Variants in DLC1 observed in about 807,000 individuals in gnomAD.
The protein encoded by DLC1 is DLC1 Rho GTPase activating protein, also known as rho GTPase-activating protein 7.
Under a neutral mutation model 140.3 loss-of-function variants are expected in DLC1, and 54 were observed. That is an observed-to-expected ratio of 0.38 (90% CI 0.31 to 0.48). DLC1 has a LOEUF of 0.48. Among genes scored for constraint, DLC1 ranks in the 20% least tolerant of loss-of-function variants. DLC1 has a pLI of 0.96. For synonymous variants in DLC1, 986 were observed against 728.1 expected (o/e 1.35, Z -5.70); for missense variants, 2,536 against 1,907.0 (o/e 1.33, Z -6.14).
At position 13,248,076 on chromosome 8, in the gene DLC1, G is replaced by C. The variant is rs545468517; in HGVS notation, c.1348+57193C>G. Reference sequence around the variant, plus strand: ...GAAGCTCCAGGAAAGCAGGCACCTGGTTAGTCTCAGTCCTCAGTGTGCTTT... The same window carrying C: ...GAAGCTCCAGGAAAGCAGGCACCTGCTTAGTCTCAGTCCTCAGTGTGCTTT... On this transcript the variant is annotated intron_variant, in intron 5 of 17. Coordinates refer to ENST00000276297, the MANE Select transcript of DLC1 (RefSeq NM_182643.3). Among the ~76,000 whole-genome samples the C allele has an allele frequency of 3.3e-5, 5 of 152,294 alleles. No individual in the cohort carries two copies. In the East Asian group the frequency reaches 9.7e-4, roughly 29 times the overall value.
At chr8:13,103,731 C>A (rs377143294) in intron 7 of DLC1, among the ~76,000 whole-genome samples, 4 of 149,262 alleles carry the variant, frequency 2.7e-5, no homozygotes, top group Non-Finnish European at 5.9e-5. Context: ...GCCAGCTACT[C>A]GGGAGGCTGT....
intron 5 of DLC1, among the ~76,000 whole-genome samples, chr8:13,150,007 G>A (rs897299998): frequency 1.3e-5 from 2 of 152,230 alleles, no homozygotes; most frequent in Admixed American, 6.5e-5. Flanking sequence ...CTCTGGGCCA[G>A]TATTACATCA....
intron 5 of DLC1, among the ~76,000 whole-genome samples, chr8:13,162,205 A>C (rs984721013): frequency 5.3e-5 from 8 of 152,212 alleles, no homozygotes; most frequent in African/African-American, 1.9e-4. Flanking sequence ...GGAAAAGGCA[A>C]ACAATTCTAT....
At chr8:13,229,336 T>G (rs986017749) in intron 5 of DLC1, among the ~76,000 whole-genome samples, 1 of 152,154 alleles carries the variant, frequency 6.6e-6, no homozygotes, top group African/African-American at 2.4e-5. Flanking sequence ...CCAGTCACAA[T>G]GGACCACATA....
chr8:13,109,046 T>C (rs140709450), intron 7 of DLC1, among the ~76,000 whole-genome samples: 1 of 152,340 alleles, frequency 6.6e-6, no homozygotes, highest in African/African-American at 2.4e-5. Context: ...GAGGACTGTT[T>C]GTTTTTTCCT....
chr8:13,266,716 G>C lies in DLC1; in HGVS notation c.1348+38553C>G, dbSNP rs962560255. On this transcript the variant is annotated intron_variant, in intron 5 of 17. Transcript: ENST00000276297. ...GCTGAGATCCTGCCACTGCACTCCA[G>C]CCTGGGCAATAGAGAAAGACTTAGT... Among the ~76,000 whole-genome samples, 3 of 152,196 alleles carry C rather than the reference G, an allele frequency of 2.0e-5. No homozygotes were observed. The East Asian group carries it at 5.8e-4, about 29-fold the overall frequency.
intron 5 of DLC1, among the ~76,000 whole-genome samples, chr8:13,122,210 T>C (rs1403016868): frequency 1.3e-5 from 2 of 152,158 alleles, no homozygotes; most frequent in East Asian, 1.9e-4. Context: ...GCCTTTCAAA[T>C]ACAATCCAAA....
At chr8:13,132,139 G>A (rs1395612865) in intron 5 of DLC1, among the ~76,000 whole-genome samples, 2 of 152,230 alleles carry the variant, frequency 1.3e-5, no homozygotes, top group South Asian at 2.1e-4. Context: ...TCAAGGGGGT[G>A]GGCATCCCCA....
chr8:13,233,792 C>A (rs776644703), intron 5 of DLC1, among the ~76,000 whole-genome samples: 1 of 152,150 alleles, frequency 6.6e-6, no homozygotes, highest in Non-Finnish European at 1.5e-5. Flanking sequence ...TTTTCATCAG[C>A]TGTTTGGGTA....
chr8:13,397,225 G>A (rs1204821852), intron 3 of DLC1, among the ~76,000 whole-genome samples: 1 of 152,144 alleles, frequency 6.6e-6, no homozygotes, highest in Non-Finnish European at 1.5e-5. Context: ...ATAGAGAAGG[G>A]AATGGAAGCT....
At chr8:13,489,863 A>G (rs978273870) in intron 2 of DLC1, among the ~76,000 whole-genome samples, 1 of 152,192 alleles carries the variant, frequency 6.6e-6, no homozygotes, top group African/African-American at 2.4e-5. Context: ...ATAATTCTGC[A>G]CTCCAATTAT....
At chr8:13,185,088 T>A (rs1826275608) in intron 5 of DLC1, among the ~76,000 whole-genome samples, 1 of 151,584 alleles carries the variant, frequency 6.6e-6, no homozygotes. Flanking sequence ...TGGTTTAAAG[T>A]CTGTTTTATC....
chr8:13,254,172 C>G (rs1243912835), intron 5 of DLC1, among the ~76,000 whole-genome samples: 1 of 148,906 alleles, frequency 6.7e-6, no homozygotes, highest in South Asian at 2.2e-4. Flanking sequence ...ACCCGACCCC[C>G]TAAATAAAAT....
At chr8:13,280,218 G>A (rs1764691341) in intron 5 of DLC1, among the ~76,000 whole-genome samples, 1 of 149,650 alleles carries the variant, frequency 6.7e-6, no homozygotes, top group Admixed American at 6.7e-5. Context: ...AACCCAGGAG[G>A]CGGAGTTTAC....
chr8:13,151,572 T>C (rs796531957), intron 5 of DLC1, among the ~76,000 whole-genome samples: 18 of 152,304 alleles, frequency 1.2e-4, no homozygotes, highest in African/African-American at 4.3e-4. Flanking sequence ...AGAATTTAGA[T>C]TTAATTGACT....
chr8:13,122,819 CAAG>C (rs1358756677), intron 5 of DLC1, among the ~76,000 whole-genome samples: 1 of 115,958 alleles, frequency 8.6e-6, no homozygotes, highest in Non-Finnish European at 1.8e-5. Context: ...AAAAAAAAAA[CAAG>C]AAGCTTCTGG....
intron 5 of DLC1, among the ~76,000 whole-genome samples, chr8:13,237,197 A>ATATATATGTGTG: frequency 7.2e-6 from 1 of 138,212 alleles, no homozygotes; most frequent in African/African-American, 2.7e-5. Context: ...ATATATATAT[A>ATATATATGTGTG]TGTGTGTGTG....
intron 1 of DLC1, among the ~76,000 whole-genome samples, chr8:13,544,154 C>T (rs979174510): frequency 1.3e-5 from 2 of 150,696 alleles, no homozygotes; most frequent in East Asian, 1.9e-4. Flanking sequence ...AATAATTTTT[C>T]TCTCTCTCTC....
chr8:13,191,278 G>A (rs1826736790), intron 5 of DLC1, among the ~76,000 whole-genome samples: 1 of 152,104 alleles, frequency 6.6e-6, no homozygotes, highest in African/African-American at 2.4e-5. Flanking sequence ...AGGTGGAGGC[G>A]GGTGGATCAC....
Sources: allele counts gnomAD v4.1 joint callset (sites outside exome capture counted in the v4.1 genomes callset), GRCh38; gene constraint gnomAD v4.1.1; transcripts MANE v1.5; gene names NCBI Gene and HGNC (gene_info 2026-07-23, HGNC 2026-07-21).